Variants in TSGA10 observed in about 807,000 individuals in gnomAD.
The protein encoded by TSGA10 is testis-specific gene 10 protein.
Under a neutral mutation model 96.6 loss-of-function variants are expected in TSGA10, and 43 were observed. That is an observed-to-expected ratio of 0.44 (90% CI 0.35 to 0.57). The LOEUF (loss-of-function observed/expected upper bound fraction) is 0.57. TSGA10 is among the 20% of genes least tolerant of loss of function. The pLI, the probability that TSGA10 is intolerant of heterozygous loss-of-function variation, is 0.01. For synonymous variants in TSGA10, 229 were observed against 269.9 expected (o/e 0.85, Z 1.48); for missense variants, 703 against 834.4 (o/e 0.84, Z 1.94).
At position 99,130,437 on chromosome 2, in the gene TSGA10, C is replaced by T. The variant is rs184487684; in HGVS notation, c.-620-3261G>A. On this transcript the variant is annotated intron_variant, in intron 1 of 20. Transcript: ENST00000393483. Reference sequence around the variant, plus strand: ...ATAAATGTCTTCTTTTGAGAAGTGTCTGTTCATATCCTTTGCCCACTTTTT... The same window carrying T: ...ATAAATGTCTTCTTTTGAGAAGTGTTTGTTCATATCCTTTGCCCACTTTTT... 8.4e-4 allele frequency among the ~76,000 whole-genome samples: 128 copies of T among 152,248 alleles called. 1 individual carries two copies. In the East Asian group the frequency reaches 0.02, roughly 24 times the overall value.
chr2:99,018,938 A>C (rs897737224), intron 18 of TSGA10, among the ~76,000 whole-genome samples: 1 of 152,176 alleles, frequency 6.6e-6, no homozygotes. Flanking sequence ...ACTTACTATA[A>C]ATTGTTTTTT....
chr2:99,094,629 G>T (rs2089803787), intron 10 of TSGA10, among the ~76,000 whole-genome samples: 1 of 152,044 alleles, frequency 6.6e-6, no homozygotes, highest in Non-Finnish European at 1.5e-5. Flanking sequence ...ATATACAAAT[G>T]GCCAACAAAC....
At chr2:99,150,661 G>A in intron 1 of TSGA10, 1 of 1,614,022 alleles carries the variant, frequency 6.2e-7, no homozygotes, top group Non-Finnish European at 8.5e-7. Context: ...AAGCAGGTTG[G>A]AACCAGCGAC....
chr2:99,015,921 A>G (rs958115869), intron 20 of TSGA10, among the ~76,000 whole-genome samples: 1 of 152,178 alleles, frequency 6.6e-6, no homozygotes, highest in African/African-American at 2.4e-5. Flanking sequence ...CAAACAAACA[A>G]AAACACCAAC....
intron 15 of TSGA10, among the ~76,000 whole-genome samples, chr2:99,067,241 T>C (rs1369765623): frequency 6.6e-6 from 1 of 152,192 alleles, no homozygotes; most frequent in Non-Finnish European, 1.5e-5. Flanking sequence ...AATGAGTGAA[T>C]GAATGAAGTA....
chr2:99,141,321 G>C (rs879896045), intron 1 of TSGA10: 115 of 324,264 alleles, frequency 3.5e-4, no homozygotes, highest in East Asian at 3.0e-4. Context: ...GTGCCGCCGT[G>C]GCCCCGCCCT....
intron 20 of TSGA10, among the ~76,000 whole-genome samples, chr2:99,007,252 T>C (rs1323129273): frequency 6.6e-6 from 1 of 152,142 alleles, no homozygotes; most frequent in African/African-American, 2.4e-5. Context: ...GTAACAAACC[T>C]GCACATTGTG....
chr2:99,041,204 G>A (rs538959060), intron 16 of TSGA10, among the ~76,000 whole-genome samples: 20 of 152,372 alleles, frequency 1.3e-4, no homozygotes, highest in African/African-American at 4.6e-4. Flanking sequence ...AAATGCATAA[G>A]AGATAAACAT....
At chr2:99,134,322 C>A (rs556664341) in intron 1 of TSGA10, among the ~76,000 whole-genome samples, 2 of 152,116 alleles carry the variant, frequency 1.3e-5, no homozygotes, top group East Asian at 3.9e-4. Context: ...TGCTTTATTT[C>A]ATTAAGTTGA....
At chr2:99,014,699 A>T (rs1408433706) in intron 20 of TSGA10, among the ~76,000 whole-genome samples, 1 of 152,140 alleles carries the variant, frequency 6.6e-6, no homozygotes, top group Non-Finnish European at 1.5e-5. Flanking sequence ...ATCAAACAAA[A>T]AGCTGGTTCT....
intron 2 of TSGA10, chr2:99,125,993 C>G (rs569915393): frequency 6.6e-6 from 1 of 152,440 alleles, no homozygotes; most frequent in South Asian, 2.1e-4. Flanking sequence ...CTTGGCTCCT[C>G]ATGTTGTCTC....
chr2:99,095,318 G>A (rs2089914763), intron 10 of TSGA10, among the ~76,000 whole-genome samples: 1 of 151,656 alleles, frequency 6.6e-6, no homozygotes, highest in South Asian at 2.1e-4. Flanking sequence ...CGGGCTATGG[G>A]TGCACCAAGA....
At chr2:99,085,609 T>TA (rs200309936) in intron 10 of TSGA10, among the ~76,000 whole-genome samples, 3,109 of 52,366 alleles carry the variant, frequency 0.059, 260 homozygotes, top group East Asian at 0.19. Flanking sequence ...ATCCTGTCTT[T>TA]AAAAAAAAAA....
chr2:99,150,420 C>A, intron 1 of TSGA10: 1 of 910,414 alleles, frequency 1.1e-6, no homozygotes, highest in Non-Finnish European at 1.6e-6. Flanking sequence ...TTCAAACAAA[C>A]ATTGCCATGA....
At chr2:99,053,471 C>A (rs1473312272) in intron 16 of TSGA10, among the ~76,000 whole-genome samples, 1 of 151,908 alleles carries the variant, frequency 6.6e-6, no homozygotes, top group Non-Finnish European at 1.5e-5. Flanking sequence ...ACAAATCAAT[C>A]CATGTGAAAG....
intron 20 of TSGA10, among the ~76,000 whole-genome samples, chr2:99,010,426 TGA>T (rs2104868099): frequency 6.6e-6 from 1 of 152,300 alleles, no homozygotes; most frequent in African/African-American, 2.4e-5. Flanking sequence ...TCCCAAAGTG[TGA>T]GAGGGAAGAA....
chr2:99,023,877 T>C (rs1200454232), intron 17 of TSGA10, among the ~76,000 whole-genome samples: 2 of 152,168 alleles, frequency 1.3e-5, no homozygotes, highest in Non-Finnish European at 2.9e-5. Context: ...GGCTATTCAC[T>C]TGCACTTCCA....
At chr2:99,092,523 C>T (rs1338098053) in intron 10 of TSGA10, among the ~76,000 whole-genome samples, 2 of 151,960 alleles carry the variant, frequency 1.3e-5, no homozygotes, top group Non-Finnish European at 2.9e-5. Context: ...AATTGATAGA[C>T]CATTAGCGAG....
chr2:99,046,611 G>A (rs926624724), intron 16 of TSGA10, among the ~76,000 whole-genome samples: 2 of 152,164 alleles, frequency 1.3e-5, no homozygotes, highest in Admixed American at 1.3e-4. Flanking sequence ...ATGCCCACAA[G>A]AGAAAGCAAG....
Sources: gnomAD v4.1 joint callset for allele counts (sites outside exome capture counted in the v4.1 genomes callset) on GRCh38, gnomAD v4.1.1 for gene constraint, MANE v1.5 for transcripts, NCBI Gene and HGNC (gene_info 2026-07-23, HGNC 2026-07-21) for gene names.